The following ABCA9 variants were observed in gnomAD, a reference collection of about 807,000 sequenced individuals.
ABCA9 encodes the protein ATP-binding cassette sub-family A member 9.
In ABCA9, 183 loss-of-function variants were observed where a neutral mutation model predicts 205.3. The ratio of observed to expected loss-of-function variants is 0.89; its 90% CI spans 0.79 to 1.01. The LOEUF is 1.01. Among genes scored for constraint, ABCA9 ranks in the 50% least tolerant of loss-of-function variants. The probability of loss-of-function intolerance (pLI) is 0.00; values close to 1 mark genes in which losing one functional copy is unlikely to be tolerated. For synonymous variants in ABCA9, 651 were observed against 683.3 expected, an observed-to-expected ratio of 0.95 and a Z score of 0.74; for missense variants, 1,805 against 1,912.4, an observed-to-expected ratio of 0.94 and a Z score of 1.05.
chr17:69,001,884 G>A (rs1388348043), intron 25 of ABCA9, among the ~76,000 whole-genome samples: 2 of 151,940 alleles, frequency 1.3e-5, no homozygotes, highest in African/African-American at 4.8e-5. Flanking sequence ...ATTTCTTCTA[G>A]ATTTTCTAGT....
Position 69,043,496 on chromosome 17 carries a change from C to T in ABCA9, c.793G>A (p.Ala265Thr). 1 of 1,583,046 alleles carries T rather than the reference C, an allele frequency of 6.3e-7. No homozygotes were observed. The highest frequency in any genetic ancestry group is 8.6e-7 in the Non-Finnish European group (1 of 1,164,296). ...TGGAGTCATATGATTTACCAGAATG[C>T]TGACTCTCGGAGTCCCATCATTGTC... ...LMTMMGLRES[A>T]FWLSWGLMYA... Residue 265 changes from alanine to threonine, a missense_variant, in exon 6 of 39, where the codon GCA becomes ACA. Ala to Thr is a moderately conservative substitution (Grantham distance 58). Transcript: ENST00000340001.
intron 14 of ABCA9, 34 bp downstream of exon 14, chr17:69,027,296 A>G (rs770687290): frequency 1.1e-5 from 18 of 1,604,658 alleles, no homozygotes; most frequent in African/African-American, 8.1e-5. Flanking sequence ...ATAGTCTTCA[A>G]TCTGATTTCA....
chr17:69,017,813 G>A, intron 20 of ABCA9, 24 bp from the exon 21 acceptor site: 2 of 1,606,032 alleles, frequency 1.2e-6, no homozygotes, highest in Non-Finnish European at 8.5e-7. Context: ...AAGATTAAAG[G>A]AAGCAAAAAT....
rs745846259 is a variant in ABCA9 at position 69,043,716 on chromosome 17, C to T, written c.574-1G>A. ...CCATCACTGAATGATTTGTTGCGAT[C>T]TGAAGAAAGATATCAATGAACAAAT... On this transcript the variant is annotated splice_acceptor_variant, in intron 5 of 38. Coordinates refer to ENST00000340001, the MANE Select transcript of ABCA9 (RefSeq NM_080283.4). LOFTEE classifies it high-confidence loss of function. 1.3e-6 allele frequency: 2 copies of T among 1,584,134 alleles called. No homozygotes were observed. The highest frequency in any genetic ancestry group is 1.7e-6 in the Non-Finnish European group (2 of 1,168,448).
upstream of ABCA9, chr17:69,060,964 A>G (rs1216761034): frequency 2.0e-6 from 2 of 985,318 alleles, no homozygotes; most frequent in African/African-American, 3.5e-5. Context: ...TCACTACTAC[A>G]TCATGCTTTT....
rs1567974429 is a variant in ABCA9 at position 69,051,077 on chromosome 17, C to G, written c.50G>C (p.Cys17Ser). 6.2e-7 allele frequency: 1 copy of G among 1,613,684 alleles called. No individual in the cohort carries two copies. The highest frequency in any genetic ancestry group is 8.5e-7 in the Non-Finnish European group (1 of 1,179,812). ...TCTCCATTTTTTGAGACAGTTCTTGCAGAGAAGAGCCCATGTTTGCTGACC... is the reference window on the plus strand; with the variant it reads ...TCTCCATTTTTTGAGACAGTTCTTGGAGAGAAGAGCCCATGTTTGCTGACC... ...SVGQQTWALL[C>S]KNCLKKWRMK... The change falls in exon 2 of 39, where the codon TGC (cysteine) becomes TCC (serine). Residue 17 changes from cysteine (C) to serine (S), a missense_variant. Coordinates refer to ENST00000340001, the MANE Select transcript of ABCA9 (RefSeq NM_080283.4).
At chr17:69,046,505 C>A (rs2071707497) in intron 3 of ABCA9, among the ~76,000 whole-genome samples, 1 of 152,094 alleles carries the variant, frequency 6.6e-6, no homozygotes, top group Admixed American at 6.6e-5. Context: ...TGCCTAGGTC[C>A]ATTAATTCAA....
the ABCA9 span, among the ~76,000 whole-genome samples, chr17:69,078,495 C>A: frequency 6.6e-6 from 1 of 152,130 alleles, no homozygotes; most frequent in Non-Finnish European, 1.5e-5. Context: ...CTGCACCTGG[C>A]CCCTTACTTT....
At chr17:69,032,499 G>T in intron 9 of ABCA9, 1 of 382,212 alleles carries the variant, frequency 2.6e-6, no homozygotes, top group Non-Finnish European at 4.7e-6. Flanking sequence ...ATGTAGCATT[G>T]TTAACTAACT....
At chr17:69,015,300 T>C (rs1012591637) in intron 22 of ABCA9, among the ~76,000 whole-genome samples, 1 of 152,182 alleles carries the variant, frequency 6.6e-6, no homozygotes, top group Non-Finnish European at 1.5e-5. Context: ...ACTAGAATGA[T>C]CCTTCATAAC....
chr17:68,983,046 G>A (rs8070147), intron 36 of ABCA9, among the ~76,000 whole-genome samples: 25,520 of 152,010 alleles, frequency 0.17, 5,622 homozygotes, highest in African/African-American at 0.51. Flanking sequence ...CAACAATATC[G>A]TCAACAATCT....
intron 22 of ABCA9, among the ~76,000 whole-genome samples, chr17:69,012,721 C>T (rs1433096423): frequency 6.6e-6 from 1 of 152,104 alleles, no homozygotes; most frequent in Admixed American, 6.5e-5. Flanking sequence ...AGCATTTATC[C>T]TTTGCGTTAC....
intron 28 of ABCA9, among the ~76,000 whole-genome samples, chr17:68,991,740 T>A (rs752244103): frequency 3.3e-5 from 5 of 152,182 alleles, no homozygotes; most frequent in Non-Finnish European, 7.3e-5. Flanking sequence ...TTCAAGATCC[T>A]CCAATATCTA....
At chr17:69,045,840 T>C (rs183994313) in intron 3 of ABCA9, among the ~76,000 whole-genome samples, 1 of 152,252 alleles carries the variant, frequency 6.6e-6, no homozygotes. Flanking sequence ...ACCCCCATAA[T>C]CCAATCACTT....
intron 26 of ABCA9, among the ~76,000 whole-genome samples, chr17:68,993,424 C>A (rs1272375453): frequency 1.3e-5 from 2 of 152,334 alleles, no homozygotes; most frequent in East Asian, 3.9e-4. Context: ...TTTCTGTCTT[C>A]ATTTGTGCTC....
At chr17:69,024,477 T>C (rs1370954097) in intron 16 of ABCA9, 124 bp from the exon 17 acceptor site, 1 of 918,656 alleles carries the variant, frequency 1.1e-6, no homozygotes, top group Non-Finnish European at 1.6e-6. Flanking sequence ...TGTAGTTTAC[T>C]GGACAAAGTA....
chr17:69,051,247 C>A, intron 1 of ABCA9, 108 bp from the exon 2 acceptor site: 2 of 940,130 alleles, frequency 2.1e-6, no homozygotes, highest in Non-Finnish European at 1.5e-6. Flanking sequence ...CAGTTGCATT[C>A]CTGGAGAAGA....
At chr17:68,992,789 G>A (rs2144043551) in intron 27 of ABCA9, 1 of 401,054 alleles carries the variant, frequency 2.5e-6, no homozygotes, top group South Asian at 3.2e-5. Context: ...CTCCAGTCTG[G>A]GCAACAAGAG....
Position 69,020,474 on chromosome 17 carries a change from G to T in ABCA9, c.2514C>A (p.Gly838=), listed in dbSNP as rs373353580. Residue 838 remains glycine (G), a synonymous_variant, in exon 19 of 39, where the codon GGC becomes GGA. Transcript: ENST00000340001. ...SFHETRKTIS[G]VALWRQQVCA... ...AGACCTGCTGCCTCCAGAGCGCCAC[G>T]CCACTGATTGTTTTCCTTGTTTCGT... The T allele has an allele frequency of 6.2e-7, 1 of 1,614,008 alleles. No individual in the cohort carries two copies. The highest frequency in any genetic ancestry group is 8.5e-7 in the Non-Finnish European group (1 of 1,179,942).
Sources: gnomAD v4.1 joint callset for allele counts (sites outside exome capture counted in the v4.1 genomes callset) on GRCh38, gnomAD v4.1.1 for gene constraint, MANE v1.5 for transcripts, NCBI Gene and HGNC (gene_info 2026-07-23, HGNC 2026-07-21) for gene names.